The following ANO3 variants were observed in gnomAD, a reference collection of about 807,000 sequenced individuals.
The protein encoded by ANO3 is anoctamin-3.
Under a neutral mutation model 144.8 loss-of-function variants are expected in ANO3, and 99 were observed. The observed-to-expected ratio is 0.68, with a 90% confidence interval of 0.58 to 0.81. The LOEUF is 0.81. Among genes scored for constraint, ANO3 ranks in the 30% least tolerant of loss-of-function variants. The pLI is 0.00. For synonymous variants in ANO3, 414 were observed against 392.6 expected, an observed-to-expected ratio of 1.05 and a Z score of -0.64; for missense variants, 905 against 1,202.2, an observed-to-expected ratio of 0.75 and a Z score of 3.66.
chr11:26,518,016 A>G (rs74943707), intron 6 of ANO3, among the ~76,000 whole-genome samples: 16,716 of 152,092 alleles, frequency 0.11, 1,288 homozygotes, highest in Admixed American at 0.15. Flanking sequence ...AAAATTCTCT[A>G]TAGACTTGAT....
At chr11:26,395,946 A>G (rs1011507897) in intron 1 of ANO3, among the ~76,000 whole-genome samples, 4 of 152,188 alleles carry the variant, frequency 2.6e-5, no homozygotes, top group African/African-American at 9.6e-5. Context: ...GACAAATGGG[A>G]TCTAATTAAA....
intron 1 of ANO3, among the ~76,000 whole-genome samples, chr11:26,434,622 T>C (rs968872398): frequency 6.6e-6 from 1 of 152,210 alleles, no homozygotes; most frequent in Non-Finnish European, 1.5e-5. Flanking sequence ...TCTGACATGT[T>C]GTATCTTTGT....
intron 17 of ANO3, among the ~76,000 whole-genome samples, chr11:26,622,134 C>T (rs1234356834): frequency 6.6e-6 from 1 of 152,146 alleles, no homozygotes; most frequent in African/African-American, 2.4e-5. Flanking sequence ...TCAGCCATAG[C>T]ATTTGGGCCT....
intron 1 of ANO3, among the ~76,000 whole-genome samples, chr11:26,226,093 C>G (rs73439634): frequency 7.2e-5 from 11 of 152,082 alleles, no homozygotes; most frequent in African/African-American, 2.4e-4. Flanking sequence ...CATATTCAGT[C>G]TTCTTAAAAA....
chr11:26,641,818 A>G, intron 21 of ANO3, 78 bp from the exon 22 acceptor site: 1 of 1,366,918 alleles, frequency 7.3e-7, no homozygotes, highest in Non-Finnish European at 9.6e-7. Flanking sequence ...GGTTTTACTC[A>G]TTTCTTAATT....
intron 1 of ANO3, among the ~76,000 whole-genome samples, chr11:26,392,148 C>T (rs1036329463): frequency 6.6e-6 from 1 of 151,786 alleles, no homozygotes; most frequent in Non-Finnish European, 1.5e-5. Context: ...CAGCTCTTTT[C>T]ATAATAACCT....
chr11:26,541,867 G>T (rs887905286), intron 10 of ANO3, 80 bp from the exon 11 acceptor site: 1 of 1,328,342 alleles, frequency 7.5e-7, no homozygotes, highest in Admixed American at 2.6e-5. Flanking sequence ...AAATTATTCT[G>T]CAAGGGAAAA....
chr11:26,597,447 C>T (rs1202010654), intron 14 of ANO3, among the ~76,000 whole-genome samples: 4 of 152,242 alleles, frequency 2.6e-5, no homozygotes, highest in Non-Finnish European at 1.5e-5. Flanking sequence ...GGATCCAGAG[C>T]GGCAATGGGC....
chr11:26,527,584 A>G (rs1032316923), intron 7 of ANO3, among the ~76,000 whole-genome samples: 1 of 152,080 alleles, frequency 6.6e-6, no homozygotes, highest in Non-Finnish European at 1.5e-5. Flanking sequence ...AAACGTGGCC[A>G]TTTAGTTTCA....
intron 1 of ANO3, among the ~76,000 whole-genome samples, chr11:26,250,525 G>A (rs576345004): frequency 1.3e-5 from 2 of 152,144 alleles, no homozygotes; most frequent in East Asian, 3.9e-4. Context: ...TCAGTGAGCC[G>A]ATTTTATGCC....
intron 3 of ANO3, among the ~76,000 whole-genome samples, chr11:26,446,386 T>C (rs926954860): frequency 7.2e-5 from 11 of 152,226 alleles, no homozygotes; most frequent in Non-Finnish European, 1.5e-4. Context: ...TAATGCATCT[T>C]ATTAATGGCT....
chr11:26,272,216 G>A (rs138802444), intron 1 of ANO3, among the ~76,000 whole-genome samples: 3 of 151,756 alleles, frequency 2.0e-5, no homozygotes, highest in South Asian at 2.1e-4. Flanking sequence ...GAAGTGCCAC[G>A]GCGATGCTAG....
At chr11:26,230,188 G>T (rs1165043749) in intron 1 of ANO3, among the ~76,000 whole-genome samples, 8 of 152,124 alleles carry the variant, frequency 5.3e-5, no homozygotes, top group Non-Finnish European at 7.4e-5. Context: ...TTATTTCTTT[G>T]TGAGTCACTA....
At chr11:26,536,701 A>G (rs1037168618) in intron 9 of ANO3, among the ~76,000 whole-genome samples, 9 of 152,148 alleles carry the variant, frequency 5.9e-5, no homozygotes, top group African/African-American at 2.2e-4. Context: ...ACAATATTCC[A>G]TAATAAAATT....
At chr11:26,382,867 A>G (rs527716542) in intron 1 of ANO3, among the ~76,000 whole-genome samples, 1 of 152,300 alleles carries the variant, frequency 6.6e-6, no homozygotes, top group South Asian at 2.1e-4. Context: ...CCCTGAGGAT[A>G]ACTATTTTTG....
chr11:26,539,839 C>A (rs1849601457), intron 10 of ANO3, among the ~76,000 whole-genome samples: 1 of 152,168 alleles, frequency 6.6e-6, no homozygotes, highest in South Asian at 2.1e-4. Context: ...CGTAAAACCC[C>A]TCTATACTGG....
At chr11:26,544,131 G>T (rs553142155) in intron 11 of ANO3, among the ~76,000 whole-genome samples, 2 of 150,902 alleles carry the variant, frequency 1.3e-5, no homozygotes, top group African/African-American at 4.9e-5. Context: ...ACACATTTTA[G>T]TGTCAATAGT....
intron 4 of ANO3, among the ~76,000 whole-genome samples, chr11:26,497,062 C>CTA (rs1162758277): frequency 0.012 from 1,796 of 149,476 alleles, 19 homozygotes; most frequent in Non-Finnish European, 0.019. Context: ...TTTTCTCTCT[C>CTA]TATATATATA....
chr11:26,301,505 T>C (rs1033743382), intron 1 of ANO3, among the ~76,000 whole-genome samples: 11 of 152,226 alleles, frequency 7.2e-5, no homozygotes, highest in Non-Finnish European at 1.2e-4. Context: ...TTAGGTTTCT[T>C]TGATGCAGCT....
Sources: allele counts gnomAD v4.1 joint callset (sites outside exome capture counted in the v4.1 genomes callset), GRCh38; gene constraint gnomAD v4.1.1; transcripts MANE v1.5; gene names NCBI Gene and HGNC (gene_info 2026-07-23, HGNC 2026-07-21).